Variants in ZNF808 observed in about 807,000 individuals in gnomAD.
ZNF808 encodes zinc finger protein 808.
ZNF808 carries 5 observed loss-of-function variants against 8.7 expected under a neutral mutation model. That is an observed-to-expected ratio of 0.58 (90% confidence interval 0.30 to 1.21). The LOEUF (loss-of-function observed/expected upper bound fraction) is 1.21. Among genes scored for constraint, ZNF808 ranks in the 50% most tolerant of loss-of-function variants. The probability of loss-of-function intolerance (pLI) is 0.07; values close to 1 mark genes in which losing one functional copy is unlikely to be tolerated. For synonymous variants in ZNF808, 380 were observed against 366.0 expected, an observed-to-expected ratio of 1.04 and a Z score of -0.44; for missense variants, 1,103 against 1,098.4, an observed-to-expected ratio of 1.00 and a Z score of -0.06.
intron 2 of ZNF808, among the ~76,000 whole-genome samples, chr19:52,541,379 G>T (rs2059669159): frequency 6.6e-6 from 1 of 151,912 alleles, no homozygotes; most frequent in Non-Finnish European, 1.5e-5. Flanking sequence ...TGACTGGTCT[G>T]GAAATTTTCT....
intron 4 of ZNF808, among the ~76,000 whole-genome samples, chr19:52,551,334 A>C (rs2059774262): frequency 6.6e-6 from 1 of 151,620 alleles, no homozygotes; most frequent in African/African-American, 2.4e-5. Flanking sequence ...CCAAGGTGAC[A>C]GAGTTAGATT....
chr19:52,549,004 GCT>G (rs2059749834), intron 4 of ZNF808, among the ~76,000 whole-genome samples: 1 of 151,452 alleles, frequency 6.6e-6, no homozygotes, highest in South Asian at 2.1e-4. Flanking sequence ...ATGGAATATT[GCT>G]CTGTCACCCA....
chr19:52,545,898 A>T (rs2059715600), intron 3 of ZNF808, among the ~76,000 whole-genome samples: 1 of 152,194 alleles, frequency 6.6e-6, no homozygotes, highest in African/African-American at 2.4e-5. Flanking sequence ...CATTCTCTGC[A>T]CTAGATAAAC....
rs2059808336 is a variant in ZNF808 at position 52,554,190 on chromosome 19, A to T, written c.1274A>T (p.Lys425Ile). 6.2e-7 allele frequency: 1 copy of T among 1,613,704 alleles called. No homozygotes were observed. Among genetic ancestry groups the T allele is most frequent in the Admixed American group, 1.7e-5 (1 of 59,982 alleles). ...CATCATATACTTCATACTGGAGAGA[A>T]ACCTTACAAATGTGAAGAATGTGAC... ...ARHHILHTGE[K>I]PYKCEECDKV... Residue 425 changes from lysine (K) to isoleucine (I), a missense_variant, in exon 5 of 5, where the codon AAA becomes ATA. Lys to Ile is a moderately radical substitution (Grantham distance 102). Transcript: ENST00000359798.
chr19:52,542,249 A>G (rs2059678290), intron 2 of ZNF808, among the ~76,000 whole-genome samples: 1 of 152,074 alleles, frequency 6.6e-6, no homozygotes, highest in Non-Finnish European at 1.5e-5. Flanking sequence ...GACTTTCAAA[A>G]TGCTTTTGGG....
At position 52,553,890 on chromosome 19, in the gene ZNF808, G is replaced by T. The variant is rs764950523; in HGVS notation, c.974G>T (p.Arg325Leu). 6.2e-7 allele frequency: 1 copy of T among 1,613,962 alleles called. No individual in the cohort carries two copies. The highest frequency in any genetic ancestry group is 8.5e-7 in the Non-Finnish European group (1 of 1,179,978). The change falls in exon 5 of 5, where the codon CGT becomes CTT. Residue 325 changes from arginine (R) to leucine (L), a missense_variant. Coordinates refer to ENST00000359798, the MANE Select transcript of ZNF808 (RefSeq NM_001039886.4). ...YKCNECGKVF[R>L]QNSALVIHKA... Reference sequence around the variant, plus strand: ...TGTAATGAGTGTGGCAAGGTCTTTCGTCAAAATTCAGCCCTTGTAATTCAT... The same window carrying T: ...TGTAATGAGTGTGGCAAGGTCTTTCTTCAAAATTCAGCCCTTGTAATTCAT...
intron 4 of ZNF808, among the ~76,000 whole-genome samples, chr19:52,551,799 T>G (rs1047057197): frequency 1.5e-4 from 20 of 134,612 alleles, no homozygotes; most frequent in East Asian, 3.9e-4. Context: ...GGTCAGGAGT[T>G]TGAGACCAGC....
Position 52,556,040 on chromosome 19 carries a change from T to C in ZNF808, c.*412T>C. On this transcript the variant is annotated 3_prime_UTR_variant, in exon 5 of 5. Transcript: ENST00000359798. ...AGAAAATTCATTTTTGAGATAACTG[T>C]TCCCAATGCAGTGAGTATAGCAAAC... The C allele has an allele frequency of 1.9e-6, 1 of 519,318 alleles. No homozygotes were observed. The highest frequency in any genetic ancestry group is 5.3e-5 in the East Asian group (1 of 18,916). The allele number at this position is 519,318 out of a possible 1,614,324, so 32.2% of individuals were successfully genotyped here.
Position 52,554,876 on chromosome 19 carries a change from A to G in ZNF808, c.1960A>G (p.Asn654Asp), listed in dbSNP as rs747573566. ...IHTGEKTYKC[N>D]ECGKTFSYKS... ...CACTGGAGAAAAAACTTACAAGTGT[A>G]ATGAGTGTGGGAAGACCTTCAGTTA... The change falls in exon 5 of 5, where the codon AAT becomes GAT. Residue 654 changes from asparagine (N) to aspartate (D), a missense_variant. Transcript: ENST00000359798. 9 of 1,614,228 alleles carry G rather than the reference A, an allele frequency of 5.6e-6. No individual in the cohort carries two copies. Among genetic ancestry groups the G allele is most frequent in the Non-Finnish European group, 7.6e-6 (9 of 1,180,028 alleles).
chr19:52,528,142 C>G (rs1427175744), intron 1 of ZNF808, among the ~76,000 whole-genome samples: 4 of 152,126 alleles, frequency 2.6e-5, no homozygotes, highest in Non-Finnish European at 4.4e-5. Context: ...CAGACCCCAT[C>G]CTTCTCCCAA....
At chr19:52,540,594 T>G (rs1290040728) in intron 2 of ZNF808, among the ~76,000 whole-genome samples, 1 of 152,184 alleles carries the variant, frequency 6.6e-6, no homozygotes, top group Non-Finnish European at 1.5e-5. Flanking sequence ...TCCATTTTTT[T>G]TTCTTATGTC....
At chr19:52,546,235 T>C (rs1600001176) in intron 3 of ZNF808, among the ~76,000 whole-genome samples, 2 of 150,750 alleles carry the variant, frequency 1.3e-5, no homozygotes, top group Middle Eastern at 6.9e-3. Context: ...TCACCCAGGC[T>C]GAAGTGCAGT....
In ZNF808 at chr19:52,556,202, G is replaced by A. The variant is rs1226602625; in HGVS notation, c.*574G>A. 14 of 280,336 alleles carry A rather than the reference G, an allele frequency of 5.0e-5. 1 individual carries two copies. In the Middle Eastern group the frequency reaches 3.5e-3, roughly 70 times the overall value. 17.4% of individuals were successfully genotyped at this position (280,336 alleles called of 1,614,324 possible). A position where few individuals can be genotyped will look rare whatever the true frequency, so the allele number is the denominator to read the frequency against. ...GGGCCAGGTGTGGTGGCTCAGGCCT[G>A]TAATCCCAGCACGTTGGAAGACCAA... On this transcript the variant is annotated 3_prime_UTR_variant, in exon 5 of 5. Coordinates refer to ENST00000359798, the MANE Select transcript of ZNF808 (RefSeq NM_001039886.4).
chr19:52,564,295 G>T, exon 4 of ZNF808: 1 of 664,922 alleles, frequency 1.5e-6, no homozygotes, highest in South Asian at 1.7e-5. Flanking sequence ...CGTTACTTAA[G>T]CTGAAAATGT....
rs2059825287 is a variant in ZNF808, at chr19:52,555,313, T to G, written c.2397T>G (p.Ala799=). 6.2e-7 allele frequency: 1 copy of G among 1,614,038 alleles called. No homozygotes were observed. Among genetic ancestry groups the G allele is most frequent in the African/African-American group, 1.3e-5 (1 of 74,900 alleles). Residue 799 remains alanine (A), a synonymous_variant, in exon 5 of 5, where the codon GCT becomes GCG. Coordinates refer to ENST00000359798, the MANE Select transcript of ZNF808 (RefSeq NM_001039886.4). Reference sequence around the variant, plus strand: ...ACAAATGTACGGTTTGTGACAAGGCTTTCGTGCGTAATTCATACCTGGCAA... The same window carrying G: ...ACAAATGTACGGTTTGTGACAAGGCGTTCGTGCGTAATTCATACCTGGCAA... ...KSYKCTVCDK[A]FVRNSYLARH...
downstream of ZNF808, among the ~76,000 whole-genome samples, chr19:52,568,750 T>A (rs1023156359): frequency 4.6e-5 from 7 of 152,244 alleles, no homozygotes; most frequent in Non-Finnish European, 1.0e-4. Flanking sequence ...TAATTAATAA[T>A]GTATTCTAAA....
At chr19:52,529,912 T>TATATA (rs796195468) in intron 1 of ZNF808, among the ~76,000 whole-genome samples, 1 of 79,532 alleles carries the variant, frequency 1.3e-5, no homozygotes, top group African/African-American at 7.0e-5. Context: ...TATATATATA[T>TATATA]TTTTTTTTTT....
intron 1 of ZNF808, chr19:52,527,922 T>C (rs1013289602): frequency 6.6e-6 from 1 of 152,468 alleles, no homozygotes; most frequent in Non-Finnish European, 1.5e-5. Flanking sequence ...CTGTCTGCTA[T>C]AGGGCAATGT....
At position 52,553,410 on chromosome 19, in the gene ZNF808, C is replaced by G. The variant is rs1415673401; in HGVS notation, c.494C>G (p.Pro165Arg). 2 of 1,614,040 alleles carry G rather than the reference C, an allele frequency of 1.2e-6. No individual in the cohort carries two copies. The highest frequency in any genetic ancestry group is 1.7e-6 in the Non-Finnish European group (2 of 1,180,040). ...GGATCAAGCTTTTATTCACATCTGC[C>G]TGAACTCCACATATTTCAGATCAAA... The part of the protein sequence containing the change: ...QLGSSFYSHL[P>R]ELHIFQIKGE... Residue 165 changes from proline to arginine, a missense_variant, in exon 5 of 5, where the codon CCT (proline) becomes CGT (arginine). Coordinates refer to ENST00000359798, the MANE Select transcript of ZNF808 (RefSeq NM_001039886.4).
Sources: gnomAD v4.1 joint callset for allele counts (sites outside exome capture counted in the v4.1 genomes callset) on GRCh38, gnomAD v4.1.1 for gene constraint, MANE v1.5 for transcripts, NCBI Gene and HGNC (gene_info 2026-07-23, HGNC 2026-07-21) for gene names.